Variants in CTNNBL1 observed in about 807,000 individuals in gnomAD.
CTNNBL1 encodes beta-catenin-like protein 1.
A neutral mutation model predicts 72.7 loss-of-function variants in CTNNBL1; 31 were observed. That is an observed-to-expected ratio of 0.43 (90% CI 0.32 to 0.58). The LOEUF (loss-of-function observed/expected upper bound fraction) is 0.58. Among genes scored for constraint, CTNNBL1 ranks in the 20% least tolerant of loss-of-function variants. The pLI is 0.08. For synonymous variants in CTNNBL1, 240 were observed against 267.3 expected (o/e 0.90, Z 1.00); for missense variants, 534 against 725.1 (o/e 0.74, Z 3.03).
chr20:37,796,124 G>A (rs117149865), intron 10 of CTNNBL1, among the ~76,000 whole-genome samples: 1 of 152,086 alleles, frequency 6.6e-6, no homozygotes, highest in Non-Finnish European at 1.5e-5. Context: ...CTTTTCTACT[G>A]TAACTGGTGG....
chr20:37,809,643 C>T (rs1024726119), intron 11 of CTNNBL1, among the ~76,000 whole-genome samples: 3 of 152,238 alleles, frequency 2.0e-5, no homozygotes, highest in Non-Finnish European at 1.5e-5. Context: ...CTAGCCTGCT[C>T]TTCTCTGAAT....
chr20:37,860,449 A>G, intron 15 of CTNNBL1, 105 bp downstream of exon 15: 1 of 907,036 alleles, frequency 1.1e-6, no homozygotes, highest in Non-Finnish European at 1.8e-6. Flanking sequence ...CGTTTTCTGC[A>G]CTGAAAGCTT....
At chr20:37,751,482 C>T (rs1390450843) in intron 4 of CTNNBL1, 2 of 152,140 alleles carry the variant, frequency 1.3e-5, no homozygotes, top group African/African-American at 4.8e-5. Context: ...TCTTCTGATT[C>T]TAGAAAACCA....
intron 4 of CTNNBL1, among the ~76,000 whole-genome samples, chr20:37,749,508 G>T (rs923865652): frequency 6.6e-6 from 1 of 151,888 alleles, no homozygotes; most frequent in Non-Finnish European, 1.5e-5. Flanking sequence ...TTGACAGATT[G>T]CCATTTCCCT....
At chr20:37,731,616 C>T (rs1345311183) in intron 1 of CTNNBL1, among the ~76,000 whole-genome samples, 1 of 152,172 alleles carries the variant, frequency 6.6e-6, no homozygotes, top group Non-Finnish European at 1.5e-5. Flanking sequence ...ATTCTACTCT[C>T]TACTTCTATG....
intron 13 of CTNNBL1, among the ~76,000 whole-genome samples, chr20:37,852,591 G>A (rs1219780546): frequency 1.3e-5 from 2 of 152,120 alleles, no homozygotes; most frequent in South Asian, 2.1e-4. Flanking sequence ...GTTACAGCTG[G>A]CTAGACATGC....
At chr20:37,736,450 T>G (rs1040858066) in intron 2 of CTNNBL1, among the ~76,000 whole-genome samples, 1 of 152,202 alleles carries the variant, frequency 6.6e-6, no homozygotes, top group African/African-American at 2.4e-5. Flanking sequence ...GATGACAAGG[T>G]AAATGTATAA....
chr20:37,784,499 A>G (rs761429238), intron 10 of CTNNBL1, among the ~76,000 whole-genome samples: 2 of 152,164 alleles, frequency 1.3e-5, no homozygotes, highest in African/African-American at 2.4e-5. Context: ...TATCTGTTGC[A>G]TGTCTCTTGA....
chr20:37,749,130 T>A (rs143226476), intron 4 of CTNNBL1, among the ~76,000 whole-genome samples: 6 of 152,318 alleles, frequency 3.9e-5, no homozygotes, highest in Admixed American at 3.9e-4. Flanking sequence ...GCACTCCAGG[T>A]CTGTGATTTT....
intron 3 of CTNNBL1, among the ~76,000 whole-genome samples, chr20:37,744,333 G>A (rs562529178): frequency 1.3e-5 from 2 of 152,320 alleles, no homozygotes; most frequent in Admixed American, 1.3e-4. Flanking sequence ...TTTAAGTCAT[G>A]TGTACTCTTT....
At chr20:37,706,700 C>T (rs532522977) in intron 1 of CTNNBL1, among the ~76,000 whole-genome samples, 1 of 152,268 alleles carries the variant, frequency 6.6e-6, no homozygotes, top group African/African-American at 2.4e-5. Flanking sequence ...ATATATTGTC[C>T]TCCTCCCATG....
At chr20:37,765,010 C>T (rs565342496) in intron 5 of CTNNBL1, among the ~76,000 whole-genome samples, 187 bp from the exon 6 acceptor site, 1 of 152,312 alleles carries the variant, frequency 6.6e-6, no homozygotes, top group South Asian at 2.1e-4. Flanking sequence ...CTGCCTTTTA[C>T]TTACCTCAGG....
At chr20:37,829,085 G>A (rs531198591) in intron 11 of CTNNBL1, among the ~76,000 whole-genome samples, 1 of 152,238 alleles carries the variant, frequency 6.6e-6, no homozygotes, top group East Asian at 1.9e-4. Flanking sequence ...AGTCTTATCA[G>A]AAACCAGGAC....
chr20:37,831,722 T>C (rs1012948789), intron 11 of CTNNBL1, among the ~76,000 whole-genome samples: 1 of 152,208 alleles, frequency 6.6e-6, no homozygotes, highest in Non-Finnish European at 1.5e-5. Context: ...TAGAGTGGGC[T>C]AGCTTTCATC....
chr20:37,817,266 G>A (rs1468876277), intron 11 of CTNNBL1, among the ~76,000 whole-genome samples: 1 of 152,196 alleles, frequency 6.6e-6, no homozygotes, highest in Non-Finnish European at 1.5e-5. Flanking sequence ...ACCTTTAGCT[G>A]TTTTAGAAAT....
intron 4 of CTNNBL1, 37 bp downstream of exon 4, chr20:37,746,644 CATG>C (rs755026157): frequency 7.4e-6 from 12 of 1,613,010 alleles, no homozygotes; most frequent in Non-Finnish European, 1.0e-5. Flanking sequence ...GGAGAGCTGA[CATG>C]GTGGGGAAGT....
At chr20:37,807,319 C>G (rs2071968395) in intron 11 of CTNNBL1, among the ~76,000 whole-genome samples, 1 of 152,204 alleles carries the variant, frequency 6.6e-6, no homozygotes, top group Non-Finnish European at 1.5e-5. Context: ...TAAACTGTCT[C>G]CACCTCTGCC....
At chr20:37,755,123 A>G (rs1003281712) in intron 4 of CTNNBL1, among the ~76,000 whole-genome samples, 1 of 152,164 alleles carries the variant, frequency 6.6e-6, no homozygotes, top group African/African-American at 2.4e-5. Flanking sequence ...AACCACTACT[A>G]GCTTTACCTT....
chr20:37,708,497 C>T (rs1279045864), intron 1 of CTNNBL1, among the ~76,000 whole-genome samples: 1 of 152,006 alleles, frequency 6.6e-6, no homozygotes, highest in Non-Finnish European at 1.5e-5. Context: ...TGCGGGGTTT[C>T]TATAAATCTT....
Sources: gnomAD v4.1 joint callset for allele counts (sites outside exome capture counted in the v4.1 genomes callset) on GRCh38, gnomAD v4.1.1 for gene constraint, MANE v1.5 for transcripts, NCBI Gene and HGNC (gene_info 2026-07-23, HGNC 2026-07-21) for gene names.